Variants in ZNF304 observed in about 807,000 individuals in gnomAD.
ZNF304 encodes the protein KRAB-containing zinc finger protein.
A neutral mutation model predicts 7.8 loss-of-function variants in ZNF304; 7 were observed. That is an observed-to-expected ratio of 0.90 (90% confidence interval 0.51 to 1.69). The LOEUF is 1.69. ZNF304 is among the 40% of genes most tolerant of loss of function. ZNF304 has a pLI of 0.00. For synonymous variants in ZNF304, 280 were observed against 272.4 expected (o/e 1.03, Z -0.27); for missense variants, 669 against 804.8 (o/e 0.83, Z 2.04).
chr19:57,357,416 C>G lies in ZNF304; in HGVS notation c.1547C>G (p.Ser516Cys). 4 of 1,613,976 alleles carry G rather than the reference C, an allele frequency of 2.5e-6. No homozygotes were observed. The highest frequency in any genetic ancestry group is 3.4e-6 in the Non-Finnish European group (4 of 1,179,982). The change falls in exon 3 of 3, where the codon TCC becomes TGC. Residue 516 changes from serine (S) to cysteine (C), a missense_variant. Coordinates refer to ENST00000282286, the MANE Select transcript of ZNF304 (RefSeq NM_020657.4). Reference sequence around the variant, plus strand: ...TGTGGTAAATTCTTCAGCCATAGCTCCAACCTTATTGTACACCAGAGAATT... The same window carrying G: ...TGTGGTAAATTCTTCAGCCATAGCTGCAACCTTATTGTACACCAGAGAATT... Reference protein sequence around the residue: ...GECGKFFSHSSNLIVHQRIHT... With the variant: ...GECGKFFSHSCNLIVHQRIHT...
At position 57,351,480 on chromosome 19, in the gene ZNF304, C is replaced by T; in HGVS notation, c.-185C>T. ...GTGTCTGCCGGGGCTGGGCTCTTAC[C>T]GAGGCCTCCACACACGTCCTCTTGT... is the stretch of plus-strand genomic sequence containing the variant. On this transcript the variant is annotated 5_prime_UTR_variant, in exon 1 of 3. Transcript: ENST00000282286. This position sits in a 1 kb window ranked among gnomAD's most constrained non-coding sequence, Gnocchi z 4.1. 1 of 661,022 alleles carries T rather than the reference C, an allele frequency of 1.5e-6. No homozygotes were observed. The highest frequency in any genetic ancestry group is 2.6e-6 in the Non-Finnish European group (1 of 385,994). 40.9% of individuals were successfully genotyped at this position (661,022 alleles called of 1,614,324 possible).
chr19:57,355,120 G>A, intron 2 of ZNF304: 1 of 654,124 alleles, frequency 1.5e-6, no homozygotes, highest in South Asian at 1.6e-5. Context: ...GACTGTGCCA[G>A]GAATTTCAGG....
chr19:57,355,983 T>A (rs1377294603), intron 2 of ZNF304, 47 bp from the exon 3 acceptor site: 1 of 1,556,640 alleles, frequency 6.4e-7, no homozygotes. Context: ...GGCTGCTGCC[T>A]CCCACCAAAG....
At position 57,359,767 on chromosome 19, in the gene ZNF304, TTGC is replaced by T. The variant is rs1423131311; in HGVS notation, c.*1922_*1924del. On this transcript the variant is annotated 3_prime_UTR_variant, in exon 3 of 3. Coordinates refer to ENST00000282286, the MANE Select transcript of ZNF304 (RefSeq NM_020657.4). Reference sequence around the variant, plus strand: ...TGAATCAATTGTTTGCTCATTTGTATTGCTGCGTAGTATTTCAGTATTTCATTG... The same window carrying T: ...TGAATCAATTGTTTGCTCATTTGTATTGCGTAGTATTTCAGTATTTCATTG... The T allele has an allele frequency of 6.6e-6, 1 of 152,248 alleles. No homozygotes were observed. The highest frequency in any genetic ancestry group is 1.5e-5 in the Non-Finnish European group (1 of 68,048). 9.4% of individuals were successfully genotyped at this position (152,248 alleles called of 1,614,324 possible). A position where few individuals can be genotyped will look rare whatever the true frequency, so the allele number is the denominator to read the frequency against.
chr19:57,355,980 G>T (rs753305203), intron 2 of ZNF304, 50 bp from the exon 3 acceptor site: 3 of 1,554,476 alleles, frequency 1.9e-6, no homozygotes, highest in Non-Finnish European at 2.6e-6. Flanking sequence ...TGGGGCTGCT[G>T]CCTCCCACCA....
rs1178491829 is a variant in ZNF304 at position 57,358,676 on chromosome 19, G to A, written c.*827G>A. 2.0e-5 allele frequency: 3 copies of A among 152,204 alleles called. No homozygotes were observed. The highest frequency in any genetic ancestry group is 2.9e-5 in the Non-Finnish European group (2 of 68,040). 9.4% of individuals were successfully genotyped at this position (152,204 alleles called of 1,614,324 possible). ...CTAGTTTGACCTAATTTACACTATT[G>A]CCCTAGGCTTGCTAGGAAAGACTGA... On this transcript the variant is annotated 3_prime_UTR_variant, in exon 3 of 3. Coordinates refer to ENST00000282286, the MANE Select transcript of ZNF304 (RefSeq NM_020657.4).
rs766031730 is a variant in ZNF304, at chr19:57,351,654, A to T, written c.-11A>T. On this transcript the variant is annotated 5_prime_UTR_variant, in exon 1 of 3. Coordinates refer to ENST00000282286, the MANE Select transcript of ZNF304 (RefSeq NM_020657.4). The surrounding 1 kb of genome is among the most constrained non-coding windows in gnomAD (Gnocchi z 4.1). Reference sequence around the variant, plus strand: ...TGAGCCCACAGGGCACAGACTGTTCATCCGCTTCTCATGGCAGCGGCGGTG... The same window carrying T: ...TGAGCCCACAGGGCACAGACTGTTCTTCCGCTTCTCATGGCAGCGGCGGTG... 3.1e-6 allele frequency: 5 copies of T among 1,613,484 alleles called. No individual in the cohort carries two copies. Among genetic ancestry groups the T allele is most frequent in the South Asian group, 2.2e-5 (2 of 91,060 alleles).
At position 57,359,023 on chromosome 19, in the gene ZNF304, A is replaced by G. The variant is rs2088387927; in HGVS notation, c.*1174A>G. 1 of 152,000 alleles carries G rather than the reference A, an allele frequency of 6.6e-6. No homozygotes were observed. The highest frequency in any genetic ancestry group is 1.5e-5 in the Non-Finnish European group (1 of 68,016). The allele number at this position is 152,000 out of a possible 1,614,324, so 9.4% of individuals were successfully genotyped here. A position where few individuals can be genotyped will look rare whatever the true frequency, so the allele number is the denominator to read the frequency against. ...CTGTGGCAAACAAAAGGAGATTCGA[A>G]CATTCTAGAGGGGCATCCACAAGTC... On this transcript the variant is annotated 3_prime_UTR_variant, in exon 3 of 3. Coordinates refer to ENST00000282286, the MANE Select transcript of ZNF304 (RefSeq NM_020657.4).
Position 57,353,868 on chromosome 19 carries a change from G to A in ZNF304, c.160+17G>A. 1 of 1,550,212 alleles carries A rather than the reference G, an allele frequency of 6.5e-7. No homozygotes were observed. Among genetic ancestry groups the A allele is most frequent in the South Asian group, 1.2e-5 (1 of 80,604 alleles). On this transcript the variant is annotated intron_variant, in intron 2 of 2. Transcript: ENST00000282286. ...CTACACTAGGTAAGTCTGTGTTTTAGTTATCTAATGCTACATGGCAAATTA... is the reference window on the plus strand; with the variant it reads ...CTACACTAGGTAAGTCTGTGTTTTAATTATCTAATGCTACATGGCAAATTA...
In ZNF304 at chr19:57,358,247, C is replaced by G. The variant is rs1185873249; in HGVS notation, c.*398C>G. ...TATTTTCAAGGACTTCCCCCCCCCC[C>G]CACTTCACCCCCTACCATTGAGGGT... On this transcript the variant is annotated 3_prime_UTR_variant, in exon 3 of 3. Coordinates refer to ENST00000282286, the MANE Select transcript of ZNF304 (RefSeq NM_020657.4). The G allele has an allele frequency of 2.3e-4, 32 of 139,528 alleles. No individual in the cohort carries two copies. The highest frequency in any genetic ancestry group is 4.0e-4 in the Non-Finnish European group (27 of 67,952). 8.6% of individuals were successfully genotyped at this position (139,528 alleles called of 1,614,324 possible).
chr19:57,356,427 G>C lies in ZNF304; in HGVS notation c.558G>C (p.Gln186His), dbSNP rs924135557. Residue 186 changes from glutamine to histidine, a missense_variant, in exon 3 of 3, where the codon CAG (glutamine) becomes CAC (histidine). Coordinates refer to ENST00000282286, the MANE Select transcript of ZNF304 (RefSeq NM_020657.4). ...ATAGCTCTGGCCTTTTCCAGCACCAGACCACTTACAATAGGGTGAGTCCAT... is the reference window on the plus strand; with the variant it reads ...ATAGCTCTGGCCTTTTCCAGCACCACACCACTTACAATAGGGTGAGTCCAT... ...LPDSSGLFQH[Q>H]TTYNRVSPCR... 2 of 1,614,060 alleles carry C rather than the reference G, an allele frequency of 1.2e-6. No homozygotes were observed. The highest frequency in any genetic ancestry group is 1.7e-6 in the Non-Finnish European group (2 of 1,180,038).
In ZNF304 at chr19:57,357,184, A is replaced by G; in HGVS notation, c.1315A>G (p.Arg439Gly). ...TAACTCTAGCCTCATTAAACATCGGAGAGTCCACACAGGAGCAAGATCCTA... is the reference window on the plus strand; with the variant it reads ...TAACTCTAGCCTCATTAAACATCGGGGAGTCCACACAGGAGCAAGATCCTA... ...SHNSSLIKHR[R>G]VHTGARSYVC... The change falls in exon 3 of 3, where the codon AGA (arginine) becomes GGA (glycine). Residue 439 changes from arginine to glycine, a missense_variant. Coordinates refer to ENST00000282286, the MANE Select transcript of ZNF304 (RefSeq NM_020657.4). 1.2e-6 allele frequency: 2 copies of G among 1,614,158 alleles called. No individual in the cohort carries two copies.
rs887130462 is a variant in ZNF304 at position 57,356,377 on chromosome 19, A to G, written c.508A>G (p.Arg170Gly). The G allele has an allele frequency of 3.1e-6, 5 of 1,614,180 alleles. No individual in the cohort carries two copies. Among genetic ancestry groups the G allele is most frequent in the Non-Finnish European group, 4.2e-6 (5 of 1,180,028 alleles). ...VHMLGRSFTCREEGMDLPDSS... is the reference protein window; with the variant it reads ...VHMLGRSFTCGEEGMDLPDSS... ...CATGTTAGGGAGATCCTTTACGTGC[A>G]GGGAGGAAGGGATGGACTTACCAGA... The change falls in exon 3 of 3, where the codon AGG becomes GGG. Residue 170 changes from arginine (R) to glycine (G), a missense_variant. By Grantham distance (125) the Arg-to-Gly change is moderately radical (BLOSUM62 -2). Transcript: ENST00000282286.
chr19:57,357,726 A>G lies in ZNF304; in HGVS notation c.1857A>G (p.Glu619=). ...HTGEKPYVCS[E]CGKAYSRSSH... Reference sequence around the variant, plus strand: ...GAGAAAAGCCTTACGTATGCAGCGAATGTGGGAAAGCCTATAGCAGAAGCT... The same window carrying G: ...GAGAAAAGCCTTACGTATGCAGCGAGTGTGGGAAAGCCTATAGCAGAAGCT... The change falls in exon 3 of 3, where the codon GAA becomes GAG. Residue 619 remains glutamate (E), a synonymous_variant. Transcript: ENST00000282286. The G allele has an allele frequency of 6.2e-7, 1 of 1,614,236 alleles. No homozygotes were observed. Among genetic ancestry groups the G allele is most frequent in the Non-Finnish European group, 8.5e-7 (1 of 1,180,028 alleles).
At position 57,358,264 on chromosome 19, in the gene ZNF304, A is replaced by C. The variant is rs768567899; in HGVS notation, c.*415A>C. 3.6e-4 allele frequency: 37 copies of C among 103,532 alleles called. No homozygotes were observed. The highest frequency in any genetic ancestry group is 6.4e-4 in the Non-Finnish European group (36 of 56,272). 6.4% of individuals were successfully genotyped at this position (103,532 alleles called of 1,614,324 possible). The stretch of plus-strand genomic sequence containing the variant: ...CCCCCCCCCCACTTCACCCCCTACC[A>C]TTGAGGGTCCTCATCTTTTCCCTCA... On this transcript the variant is annotated 3_prime_UTR_variant, in exon 3 of 3. Transcript: ENST00000282286.
intron 1 of ZNF304, chr19:57,352,802 G>A (rs1568517301): frequency 6.6e-6 from 1 of 152,278 alleles, no homozygotes; most frequent in African/African-American, 2.4e-5. Context: ...TGCGAAAGGT[G>A]AAAGAGAGGA....
rs772474518 is a variant in ZNF304 at position 57,357,168 on chromosome 19, C to T, written c.1299C>T (p.Ser433=). The change falls in exon 3 of 3, where the codon AGC becomes AGT. Residue 433 remains serine (S), a synonymous_variant. Coordinates refer to ENST00000282286, the MANE Select transcript of ZNF304 (RefSeq NM_020657.4). The part of the protein sequence containing the change: ...ECGKFFSHNS[S]LIKHRRVHTG... ...GAAAATTCTTTAGCCATAACTCTAG[C>T]CTCATTAAACATCGGAGAGTCCACA... 4 of 1,614,034 alleles carry T rather than the reference C, an allele frequency of 2.5e-6. No individual in the cohort carries two copies. Among genetic ancestry groups the T allele is most frequent in the Middle Eastern group, 1.6e-4 (1 of 6,084 alleles).
chr19:57,357,975 G>A lies in ZNF304; in HGVS notation c.*126G>A. 1.7e-6 allele frequency: 2 copies of A among 1,195,872 alleles called. No homozygotes were observed. The highest frequency in any genetic ancestry group is 2.3e-6 in the Non-Finnish European group (2 of 857,552). The allele number at this position is 1,195,872 out of a possible 1,614,324, so 74.1% of individuals were successfully genotyped here. On this transcript the variant is annotated 3_prime_UTR_variant, in exon 3 of 3. Transcript: ENST00000282286. Reference sequence around the variant, plus strand: ...CCCTTTGTGAGGGAACCATCAGCTAGCAGATGAGCACCGTATATTCATTCC... The same window carrying A: ...CCCTTTGTGAGGGAACCATCAGCTAACAGATGAGCACCGTATATTCATTCC...
Position 57,358,513 on chromosome 19 carries a change from C to T in ZNF304, c.*664C>T, listed in dbSNP as rs35686482. The T allele has an allele frequency of 6.6e-6, 1 of 152,242 alleles. No homozygotes were observed. The highest frequency in any genetic ancestry group is 2.4e-5 in the African/African-American group (1 of 41,428). 9.4% of individuals were successfully genotyped at this position (152,242 alleles called of 1,614,324 possible). A position where few individuals can be genotyped will look rare whatever the true frequency, so the allele number is the denominator to read the frequency against. On this transcript the variant is annotated 3_prime_UTR_variant, in exon 3 of 3. Transcript: ENST00000282286. ...TAAGGGCCTATTGTGGCAGTCTTTA[C>T]TCTTGGGGATTTTGTTACTGTGTAG...
Sources: allele counts gnomAD v4.1 joint callset, GRCh38; gene constraint gnomAD v4.1.1; non-coding constraint Gnocchi (gnomAD v3.1); transcripts MANE v1.5; gene names NCBI Gene and HGNC (gene_info 2026-07-23, HGNC 2026-07-21).